Variants in HMBOX1 observed in about 807,000 individuals in gnomAD.
HMBOX1 encodes homeobox-containing protein 1.
Under a neutral mutation model 54.5 loss-of-function variants are expected in HMBOX1, and 14 were observed. The ratio of observed to expected loss-of-function variants is 0.26; its 90% CI spans 0.17 to 0.40. The LOEUF (loss-of-function observed/expected upper bound fraction) is 0.40. Among genes scored for constraint, HMBOX1 ranks in the 10% least tolerant of loss-of-function variants. The pLI is 1.00. For synonymous variants in HMBOX1, 160 were observed against 181.0 expected (o/e 0.88, Z 0.93); for missense variants, 332 against 514.4 (o/e 0.65, Z 3.43).
intron 6 of HMBOX1, among the ~76,000 whole-genome samples, chr8:29,025,737 A>G (rs1339885327): frequency 2.6e-5 from 4 of 152,188 alleles, no homozygotes. Context: ...ATATCCATTT[A>G]TACAGTTCCT....
chr8:28,973,803 G>GTTTGTTTTTTTTTTTTTT (rs1827849114), intron 3 of HMBOX1, among the ~76,000 whole-genome samples: 1 of 72,618 alleles, frequency 1.4e-5, no homozygotes, highest in Non-Finnish European at 2.6e-5. Flanking sequence ...ACATAATGGA[G>GTTTGTTTTTTTTTTTTTT]TTTTTTTTTT....
intron 4 of HMBOX1, among the ~76,000 whole-genome samples, chr8:29,003,022 G>T (rs749388273): frequency 2.8e-4 from 42 of 151,912 alleles, no homozygotes; most frequent in Admixed American, 1.4e-3. Context: ...TTCAGTAATG[G>T]TGAGAATGTA....
intron 7 of HMBOX1, 86 bp from the exon 8 acceptor site, chr8:29,047,272 A>G: frequency 1.2e-6 from 1 of 812,606 alleles, no homozygotes; most frequent in Non-Finnish European, 2.1e-6. Flanking sequence ...ATCAAAAGCA[A>G]CAAAATAAAA....
chr8:28,938,577 G>A (rs888916655), intron 1 of HMBOX1, among the ~76,000 whole-genome samples: 3 of 151,722 alleles, frequency 2.0e-5, no homozygotes, highest in African/African-American at 7.3e-5. Flanking sequence ...CTTAAGAGTA[G>A]CTAGGATTAC....
At chr8:28,969,895 A>T in intron 2 of HMBOX1, 148 bp from the exon 3 acceptor site, 1 of 617,988 alleles carries the variant, frequency 1.6e-6, no homozygotes, top group Non-Finnish European at 2.8e-6. Flanking sequence ...TCCATTTGCC[A>T]TGGCACAATC....
intron 4 of HMBOX1, among the ~76,000 whole-genome samples, chr8:28,994,357 A>G (rs747610165): frequency 6.6e-6 from 1 of 152,160 alleles, no homozygotes; most frequent in East Asian, 1.9e-4. Flanking sequence ...AGCTTAAATA[A>G]AGGAAGCCCT....
At chr8:28,985,447 C>G (rs2132532123) in intron 4 of HMBOX1, among the ~76,000 whole-genome samples, 1 of 152,308 alleles carries the variant, frequency 6.6e-6, no homozygotes, top group East Asian at 1.9e-4. Flanking sequence ...TTTAGAGGGA[C>G]ATAAACATTC....
intron 1 of HMBOX1, among the ~76,000 whole-genome samples, chr8:28,958,472 C>T (rs1422745237): frequency 2.6e-5 from 4 of 152,008 alleles, no homozygotes; most frequent in East Asian, 1.9e-4. Flanking sequence ...TAATTTTATT[C>T]GTTTGATTTA....
chr8:28,909,754 T>C (rs1158523736), intron 1 of HMBOX1, among the ~76,000 whole-genome samples: 2 of 152,212 alleles, frequency 1.3e-5, no homozygotes, highest in African/African-American at 4.8e-5. Context: ...ACATATAATT[T>C]ATTTGGTGTA....
At chr8:29,042,533 A>G in intron 6 of HMBOX1, 2 of 416,650 alleles carry the variant, frequency 4.8e-6, no homozygotes, top group South Asian at 3.5e-5. Flanking sequence ...GCAATTGGTT[A>G]GAAAAGACCA....
chr8:28,903,208 A>G (rs1239995573), intron 1 of HMBOX1, among the ~76,000 whole-genome samples: 2 of 152,220 alleles, frequency 1.3e-5, no homozygotes, highest in Non-Finnish European at 2.9e-5. Context: ...AGCATAATAT[A>G]GTTTTAGATT....
At chr8:28,995,304 A>C (rs1831645825) in intron 4 of HMBOX1, among the ~76,000 whole-genome samples, 1 of 152,216 alleles carries the variant, frequency 6.6e-6, no homozygotes, top group South Asian at 2.1e-4. Flanking sequence ...TTTACTTAGC[A>C]TAATGTTTTT....
chr8:28,980,117 A>C lies in HMBOX1; in HGVS notation c.547A>C (p.Asn183His). The change falls in exon 4 of 10, where the codon AAT (asparagine) becomes CAT (histidine). Residue 183 changes from asparagine to histidine, a missense_variant. By Grantham distance (68) the Asn-to-His change is moderately conservative. Around this residue, in one of 4 missense-constraint regions of HMBOX1, gnomAD observed 117 missense variants for 220.0 expected, o/e 0.53. Coordinates refer to ENST00000287701, the MANE Select transcript of HMBOX1 (RefSeq NM_001135726.3). ...AGAGGAAATCAAAGCCTTTCTTGCC[A>C]ATCGGAGGATTTCCCAAGCAGTTGT... ...IKEEIKAFLA[N>H]RRISQAVVAQ... 6.2e-7 allele frequency: 1 copy of C among 1,613,974 alleles called. No homozygotes were observed. Among genetic ancestry groups the C allele is most frequent in the Non-Finnish European group, 8.5e-7 (1 of 1,179,856 alleles).
chr8:28,920,509 A>G (rs1002313060), intron 1 of HMBOX1, among the ~76,000 whole-genome samples: 1 of 152,218 alleles, frequency 6.6e-6, no homozygotes, highest in African/African-American at 2.4e-5. Context: ...CGTGAGATTT[A>G]TCTTTTTAAA....
chr8:29,051,748 ATGG>A lies in HMBOX1; in HGVS notation c.*594_*596del. 3.3e-6 allele frequency: 2 copies of A among 602,074 alleles called. No homozygotes were observed. The highest frequency in any genetic ancestry group is 6.1e-6 in the Non-Finnish European group (2 of 327,144). 37.3% of individuals were successfully genotyped at this position (602,074 alleles called of 1,614,324 possible). On this transcript the variant is annotated 3_prime_UTR_variant, in exon 10 of 10. Transcript: ENST00000287701. ...TTTGGGTGCTGTGCTAAGAATGTCA[ATGG>A]AAAAAGCCGATCTCAGATTTTGTTT... is the stretch of plus-strand genomic sequence containing the variant.
intron 5 of HMBOX1, among the ~76,000 whole-genome samples, chr8:29,011,589 G>A (rs1834228097): frequency 3.3e-5 from 5 of 152,166 alleles, no homozygotes; most frequent in Admixed American, 3.3e-4. Flanking sequence ...GAAATAGGAA[G>A]GACGACTAAG....
chr8:28,979,972 C>G, intron 3 of HMBOX1, 99 bp from the exon 4 acceptor site: 3 of 867,212 alleles, frequency 3.5e-6, no homozygotes, highest in Non-Finnish European at 5.9e-6. Flanking sequence ...TGTGTCCTTT[C>G]TGTGTTCTCC....
intron 6 of HMBOX1, among the ~76,000 whole-genome samples, chr8:29,022,607 CA>C (rs571842377): frequency 6.6e-6 from 1 of 151,838 alleles, no homozygotes; most frequent in African/African-American, 2.4e-5. Flanking sequence ...AGCTAAAGAA[CA>C]AAAAACTCTG....
chr8:28,924,297 G>A (rs576187830), intron 1 of HMBOX1, among the ~76,000 whole-genome samples: 1 of 151,852 alleles, frequency 6.6e-6, no homozygotes, highest in Admixed American at 6.6e-5. Context: ...TTTTAGTAGA[G>A]ATGGGGTTTC....
Sources: allele counts gnomAD v4.1 joint callset (sites outside exome capture counted in the v4.1 genomes callset), GRCh38; gene constraint gnomAD v4.1.1; regional missense constraint gnomAD v4.1.1; transcripts MANE v1.5; gene names NCBI Gene and HGNC (gene_info 2026-07-23, HGNC 2026-07-21).